Variants in SMG6 observed in about 807,000 individuals in gnomAD.
SMG6 encodes telomerase-binding protein EST1A.
Under a neutral mutation model 142.2 loss-of-function variants are expected in SMG6, and 66 were observed. That is an observed-to-expected ratio of 0.46 (90% CI 0.38 to 0.57). The LOEUF (loss-of-function observed/expected upper bound fraction) is 0.57. Ranked by LOEUF, SMG6 falls within the 20% of genes least tolerant of loss-of-function variation. The pLI is 0.00. For synonymous variants in SMG6, 779 were observed against 702.4 expected (o/e 1.11, Z -1.72); for missense variants, 1,793 against 1,832.0 (o/e 0.98, Z 0.39).
intron 13 of SMG6, among the ~76,000 whole-genome samples, chr17:2,100,961 G>A (rs997353518): frequency 6.6e-6 from 1 of 152,108 alleles, no homozygotes; most frequent in Non-Finnish European, 1.5e-5. Flanking sequence ...CAGAATGTGT[G>A]TAAGTGTTCC....
Position 2,236,625 on chromosome 17 carries a change from G to GA in SMG6, c.2735dup (p.Ala914CysfsTer4). The stretch of plus-strand genomic sequence containing the variant: ...TGAGGACCTTCTCAGCCACTGCAGG[G>GA]AATGTCTCCATCCTGCAGATTCAGA... On this transcript the variant is annotated frameshift_variant, in exon 10 of 19. Coordinates refer to ENST00000263073, the MANE Select transcript of SMG6 (RefSeq NM_017575.5). LOFTEE classifies it high-confidence loss of function. 2 of 1,612,172 alleles carry GA rather than the reference G, an allele frequency of 1.2e-6. No individual in the cohort carries two copies. The highest frequency in any genetic ancestry group is 1.7e-6 in the Non-Finnish European group (2 of 1,179,198).
chr17:2,132,578 C>A (rs2070158633), intron 13 of SMG6, among the ~76,000 whole-genome samples: 1 of 152,142 alleles, frequency 6.6e-6, no homozygotes, highest in Non-Finnish European at 1.5e-5. Flanking sequence ...TTTCTATTAA[C>A]AAGATATAGA....
intron 12 of SMG6, among the ~76,000 whole-genome samples, chr17:2,173,924 C>T (rs1444506435): frequency 1.4e-5 from 2 of 140,504 alleles, no homozygotes; most frequent in African/African-American, 5.4e-5. Flanking sequence ...CCTGCCAAGG[C>T]TACAGACTTG....
At chr17:2,063,935 T>C (rs1032623748) in intron 18 of SMG6, among the ~76,000 whole-genome samples, 1 of 152,168 alleles carries the variant, frequency 6.6e-6, no homozygotes, top group Non-Finnish European at 1.5e-5. Flanking sequence ...TTTATCACTT[T>C]AATGCTCATA....
chr17:2,123,083 C>T (rs903489564), intron 13 of SMG6, among the ~76,000 whole-genome samples: 8 of 151,958 alleles, frequency 5.3e-5, no homozygotes, highest in East Asian at 1.9e-4. Context: ...AATGCTGCCG[C>T]ATAACGCTGG....
Position 2,289,027 on chromosome 17 carries a change from C to T in SMG6, c.2337+3525G>A, listed in dbSNP as rs185122399. 1.8e-4 allele frequency among the ~76,000 whole-genome samples: 27 copies of T among 147,084 alleles called. No individual in the cohort carries two copies. The East Asian group carries it at 5.3e-3, about 29-fold the overall frequency. On this transcript the variant is annotated intron_variant, in intron 6 of 18. Coordinates refer to ENST00000263073, the MANE Select transcript of SMG6 (RefSeq NM_017575.5). ...CCGGGAGGTGGAGCTCGCAGTGAGC[C>T]GAGATTGCGCCACTGCACTCCAGCC...
intron 18 of SMG6, among the ~76,000 whole-genome samples, chr17:2,064,860 T>G (rs2067892302): frequency 6.6e-6 from 1 of 151,464 alleles, no homozygotes; most frequent in African/African-American, 2.4e-5. Flanking sequence ...TGGGCTAGGC[T>G]CATCTCTAGT....
At chr17:2,145,692 A>C (rs533066219) in intron 13 of SMG6, among the ~76,000 whole-genome samples, 6 of 150,770 alleles carry the variant, frequency 4.0e-5, no homozygotes, top group Non-Finnish European at 8.8e-5. Flanking sequence ...TTGCATCAGA[A>C]GCCACAGAGA....
In SMG6 at chr17:2,107,360, A is replaced by C. The variant is rs941370402; in HGVS notation, c.3358-21459T>G. ...CTGTTGGGTTTCCATGCTGTAAAAA[A>C]GTGGGGGAGAAATGCCAGCTACGAA... On this transcript the variant is annotated intron_variant, in intron 13 of 18. Transcript: ENST00000263073. 1.6e-4 allele frequency among the ~76,000 whole-genome samples: 24 copies of C among 152,328 alleles called. 1 individual carries two copies. Among genetic ancestry groups the C allele is most frequent in the African/African-American group, 5.8e-4 (24 of 41,580 alleles).
intron 13 of SMG6, among the ~76,000 whole-genome samples, chr17:2,091,369 A>G (rs1161338046): frequency 6.6e-6 from 1 of 152,178 alleles, no homozygotes; most frequent in East Asian, 1.9e-4. Flanking sequence ...CACAGGCAGT[A>G]GCTTAGGATG....
chr17:2,266,201 G>C (rs1406613169), intron 8 of SMG6: 2 of 985,214 alleles, frequency 2.0e-6, no homozygotes, highest in Non-Finnish European at 2.4e-6. Flanking sequence ...TCTGGGTCCT[G>C]ACTTTCCGGA....
Position 2,161,799 on chromosome 17 carries a change from G to C in SMG6, c.3357+10859C>G, listed in dbSNP as rs550447829. On this transcript the variant is annotated intron_variant, in intron 13 of 18. Coordinates refer to ENST00000263073, the MANE Select transcript of SMG6 (RefSeq NM_017575.5). ...TGCTTTTGAATCCAGGGCATTCCAAGATTTGAAGAACATTCAATCCAGAGG... is the reference window on the plus strand; with the variant it reads ...TGCTTTTGAATCCAGGGCATTCCAACATTTGAAGAACATTCAATCCAGAGG... Among the ~76,000 whole-genome samples, 4 of 152,084 alleles carry C rather than the reference G, an allele frequency of 2.6e-5. No homozygotes were observed. The South Asian group carries it at 8.3e-4, about 32-fold the overall frequency.
chr17:2,154,158 C>T (rs1472388393), intron 13 of SMG6, among the ~76,000 whole-genome samples: 1 of 139,704 alleles, frequency 7.2e-6, no homozygotes, highest in African/African-American at 2.8e-5. Flanking sequence ...GACTGGGAAA[C>T]CTGAGGATGC....
intron 13 of SMG6, among the ~76,000 whole-genome samples, chr17:2,095,615 C>T (rs2068835911): frequency 6.6e-6 from 1 of 152,102 alleles, no homozygotes. Flanking sequence ...TCAACAGACC[C>T]CCTGCATCAA....
At chr17:2,070,481 G>C (rs569569868) in intron 15 of SMG6, among the ~76,000 whole-genome samples, 6 of 152,196 alleles carry the variant, frequency 3.9e-5, no homozygotes, top group Non-Finnish European at 8.8e-5. Flanking sequence ...CTGGGGAAGT[G>C]GACGTGCGTG....
chr17:2,219,803 C>CAAAAAAAAAAA (rs72234069), intron 10 of SMG6, among the ~76,000 whole-genome samples: 6 of 118,064 alleles, frequency 5.1e-5, no homozygotes, highest in Non-Finnish European at 7.0e-5. Flanking sequence ...GACCCTTTAT[C>CAAAAAAAAAAA]AAAAAAAAAA....
At chr17:2,219,795 C>A (rs1190457517) in intron 10 of SMG6, among the ~76,000 whole-genome samples, 3 of 105,092 alleles carry the variant, frequency 2.9e-5, no homozygotes, top group African/African-American at 1.2e-4. Context: ...CAGAACAAGA[C>A]CCTTTATCAA....
chr17:2,224,906 C>CA (rs1567697441), intron 10 of SMG6, among the ~76,000 whole-genome samples: 1 of 152,080 alleles, frequency 6.6e-6, no homozygotes, highest in East Asian at 1.9e-4. Context: ...AAAAGAGAAA[C>CA]AAAACAGATA....
intron 8 of SMG6, among the ~76,000 whole-genome samples, chr17:2,249,593 A>G (rs1443248860): frequency 6.6e-6 from 1 of 151,948 alleles, no homozygotes; most frequent in East Asian, 1.9e-4. Flanking sequence ...CAAAGTGCTC[A>G]GATCACAGGC....
Sources: gnomAD v4.1 joint callset for allele counts (sites outside exome capture counted in the v4.1 genomes callset) on GRCh38, gnomAD v4.1.1 for gene constraint, MANE v1.5 for transcripts, NCBI Gene and HGNC (gene_info 2026-07-23, HGNC 2026-07-21) for gene names.